The following OSBPL8 variants were observed in gnomAD, a reference collection of about 807,000 sequenced individuals.
OSBPL8 encodes the protein oxysterol binding protein like 8.
A neutral mutation model predicts 125.5 loss-of-function variants in OSBPL8; 59 were observed. The observed-to-expected ratio is 0.47, with a 90% confidence interval of 0.38 to 0.58. The LOEUF is 0.58. Ranked by LOEUF, OSBPL8 falls within the 20% of genes least tolerant of loss-of-function variation. The pLI is 0.00. For missense variants in OSBPL8, 758 were observed against 1,047.8 expected (o/e 0.72, Z 3.82); for synonymous variants, 330 against 338.9 (o/e 0.97, Z 0.29).
At chr12:76,534,124 T>TA (rs1950425712) in intron 1 of OSBPL8, 1 of 152,212 alleles carries the variant, frequency 6.6e-6, no homozygotes, top group East Asian at 1.9e-4. Flanking sequence ...AATGTCCATT[T>TA]ATATGTAGTC....
intron 2 of OSBPL8, among the ~76,000 whole-genome samples, chr12:76,475,686 C>T (rs1321495762): frequency 6.6e-6 from 1 of 152,148 alleles, no homozygotes; most frequent in African/African-American, 2.4e-5. Context: ...AAGTCCCCAC[C>T]CGACCCTAGC....
chr12:76,449,896 A>T (rs1000244889), intron 4 of OSBPL8, among the ~76,000 whole-genome samples: 7 of 152,214 alleles, frequency 4.6e-5, no homozygotes, highest in African/African-American at 1.7e-4. Context: ...TGCAATTAAC[A>T]TAAAGAAAAT....
intron 4 of OSBPL8, among the ~76,000 whole-genome samples, chr12:76,433,748 G>A (rs1373185905): frequency 6.6e-6 from 1 of 152,066 alleles, no homozygotes; most frequent in East Asian, 1.9e-4. Context: ...GCCAAGGCAG[G>A]TGGATCATGA....
intron 5 of OSBPL8, among the ~76,000 whole-genome samples, chr12:76,408,001 C>T (rs1954342587): frequency 6.6e-6 from 1 of 151,936 alleles, no homozygotes; most frequent in Admixed American, 6.6e-5. Flanking sequence ...CCCAAGTAAA[C>T]TCTCAACAAA....
At chr12:76,366,695 C>T in intron 21 of OSBPL8, 1 of 268,536 alleles carries the variant, frequency 3.7e-6, no homozygotes, top group Non-Finnish European at 7.3e-6. Flanking sequence ...CTTACCTTTG[C>T]TGCATCTCGT....
intron 1 of OSBPL8, among the ~76,000 whole-genome samples, chr12:76,540,529 C>G (rs1025542610): frequency 1.6e-4 from 21 of 135,216 alleles, no homozygotes; most frequent in Non-Finnish European, 2.9e-4. Context: ...TGTGTGTGTA[C>G]AGAGAGAGAA....
At position 76,505,567 on chromosome 12, in the gene OSBPL8, C is replaced by CA. The variant is rs1389143253; in HGVS notation, c.-67-17950dup. On this transcript the variant is annotated intron_variant, in intron 1 of 23. Coordinates refer to ENST00000261183, the MANE Select transcript of OSBPL8 (RefSeq NM_020841.5). ...AAGGAAGGAGTTGTCTGATATGTCA[C>CA]AAAAAAAGGTAAAATTTTAGATAGG... is the stretch of plus-strand genomic sequence containing the variant. 8.6e-5 allele frequency among the ~76,000 whole-genome samples: 13 copies of CA among 151,856 alleles called. No individual in the cohort carries two copies. In the South Asian group the frequency reaches 1.0e-3, roughly 12 times the overall value.
chr12:76,446,667 A>G (rs1481534248), intron 4 of OSBPL8, among the ~76,000 whole-genome samples: 1 of 152,152 alleles, frequency 6.6e-6, no homozygotes, highest in Non-Finnish European at 1.5e-5. Flanking sequence ...TTTTTATTTA[A>G]AATACTGATG....
chr12:76,500,537 C>T (rs1261731633), intron 1 of OSBPL8, among the ~76,000 whole-genome samples: 1 of 152,046 alleles, frequency 6.6e-6, no homozygotes, highest in African/African-American at 2.4e-5. Flanking sequence ...GTTAAAATTG[C>T]ATATGTTCCT....
At chr12:76,418,979 T>C (rs947809761) in intron 4 of OSBPL8, among the ~76,000 whole-genome samples, 1 of 152,098 alleles carries the variant, frequency 6.6e-6, no homozygotes, top group African/African-American at 2.4e-5. Flanking sequence ...CTCATGCCTA[T>C]AATCCCAGAA....
intron 4 of OSBPL8, among the ~76,000 whole-genome samples, chr12:76,411,625 A>G (rs1027603727): frequency 6.6e-6 from 1 of 152,112 alleles, no homozygotes; most frequent in African/African-American, 2.4e-5. Context: ...TATTTTACTG[A>G]AAATTTTATA....
intron 1 of OSBPL8, among the ~76,000 whole-genome samples, chr12:76,516,318 A>G (rs1881527197): frequency 6.6e-6 from 1 of 152,198 alleles, no homozygotes; most frequent in Non-Finnish European, 1.5e-5. Context: ...CTGCACACAT[A>G]AACCTTAATA....
intron 3 of OSBPL8, among the ~76,000 whole-genome samples, 191 bp from the exon 4 acceptor site, chr12:76,451,179 T>C (rs539640489): frequency 6.6e-6 from 1 of 152,286 alleles, no homozygotes. Flanking sequence ...CAAGAAGAAC[T>C]GACAGGTATG....
intron 1 of OSBPL8, among the ~76,000 whole-genome samples, chr12:76,544,024 C>A (rs1452489398): frequency 6.6e-6 from 1 of 152,110 alleles, no homozygotes; most frequent in Admixed American, 6.5e-5. Context: ...CACAGTAGCA[C>A]CAACACGTGG....
intron 5 of OSBPL8, among the ~76,000 whole-genome samples, chr12:76,403,741 G>A (rs1662025971): frequency 6.6e-6 from 1 of 152,086 alleles, no homozygotes; most frequent in African/African-American, 2.4e-5. Flanking sequence ...TCAAATGGTG[G>A]CTTTCAAATG....
At chr12:76,510,642 G>C (rs1408865537) in intron 1 of OSBPL8, among the ~76,000 whole-genome samples, 2 of 152,166 alleles carry the variant, frequency 1.3e-5, no homozygotes, top group Non-Finnish European at 2.9e-5. Context: ...CACTTTGGGA[G>C]GCCGAGGCAG....
chr12:76,526,761 C>G (rs1021575320), intron 1 of OSBPL8, among the ~76,000 whole-genome samples: 2 of 147,736 alleles, frequency 1.4e-5, no homozygotes, highest in African/African-American at 5.0e-5. Context: ...AGCAACTCTC[C>G]TGTCTCAGTC....
intron 10 of OSBPL8, among the ~76,000 whole-genome samples, chr12:76,391,430 T>C (rs1214190432): frequency 6.6e-6 from 1 of 151,956 alleles, no homozygotes; most frequent in Non-Finnish European, 1.5e-5. Context: ...CCATCCTATC[T>C]CATTCGGGCA....
intron 2 of OSBPL8, among the ~76,000 whole-genome samples, chr12:76,483,651 T>G (rs1307839123): frequency 1.4e-5 from 2 of 143,564 alleles, no homozygotes; most frequent in Admixed American, 7.0e-5. Flanking sequence ...CCAAGATCAC[T>G]GTAATAGTCT....
Sources: allele counts gnomAD v4.1 joint callset (sites outside exome capture counted in the v4.1 genomes callset), GRCh38; gene constraint gnomAD v4.1.1; transcripts MANE v1.5; gene names NCBI Gene and HGNC (gene_info 2026-07-23, HGNC 2026-07-21).